ZNF518A: variants seen among roughly 807,000 people sequenced by gnomAD.
ZNF518A encodes the protein zinc finger protein 518A, also known as zinc finger protein 518.
In ZNF518A, 47 loss-of-function variants were observed where a neutral mutation model predicts 102.7. The ratio of observed to expected loss-of-function variants is 0.46; its 90% CI spans 0.36 to 0.58. The LOEUF (loss-of-function observed/expected upper bound fraction) is 0.58. Among genes scored for constraint, ZNF518A ranks in the 20% least tolerant of loss-of-function variants. ZNF518A has a pLI of 0.00. For missense variants in ZNF518A, 1,793 were observed against 1,699.8 expected, an observed-to-expected ratio of 1.05 and a Z score of -0.96; for synonymous variants, 652 against 594.6, an observed-to-expected ratio of 1.10 and a Z score of -1.40.
chr10:96,147,444 TATGTC>T (rs2082223666), intron 3 of ZNF518A, among the ~76,000 whole-genome samples: 1 of 152,242 alleles, frequency 6.6e-6, no homozygotes, highest in African/African-American at 2.4e-5. Context: ...CAATGCATAT[TATGTC>T]ATGTCTTTCT....
In ZNF518A at chr10:96,160,183, A is replaced by G; in HGVS notation, c.3861A>G (p.Glu1287=). The change falls in exon 6 of 6, where the codon GAA becomes GAG. Residue 1287 remains glutamate, a synonymous_variant. Transcript: ENST00000316045. ...GAAAGTGTAGGGATAGTTACCAAGA[A>G]CCTCCAAGAAGAAAAGCAACATTGC... The part of the protein sequence containing the change: ...CKRKCRDSYQ[E]PPRRKATLHR... 1 of 1,609,010 alleles carries G rather than the reference A, an allele frequency of 6.2e-7. No individual in the cohort carries two copies. The highest frequency in any genetic ancestry group is 8.5e-7 in the Non-Finnish European group (1 of 1,177,892).
At chr10:96,173,252 A>G (rs1291307426) in intron 1 of ZNF518A, among the ~76,000 whole-genome samples, 3 of 152,172 alleles carry the variant, frequency 2.0e-5, no homozygotes, top group Non-Finnish European at 4.4e-5. Context: ...GGAAATTGGC[A>G]ACAGGTACAA....
intron 1 of ZNF518A, among the ~76,000 whole-genome samples, chr10:96,183,189 G>A (rs1352474804): frequency 1.3e-5 from 2 of 151,858 alleles, no homozygotes; most frequent in Non-Finnish European, 2.9e-5. Context: ...ATTTTTTATT[G>A]CATCTGTTTG....
rs782372300 is a variant in ZNF518A, at chr10:96,160,700, A to C, written c.4378A>C (p.Asn1460His). ...TTGGTTTTGTGGTAGAGTATTTGAC[A>C]ATCAGGATACTTGGGCTGGTCATGG... ...NCWFCGRVFD[N>H]QDTWAGHGQR... The change falls in exon 6 of 6, where the codon AAT becomes CAT. Residue 1460 changes from asparagine (N) to histidine (H), a missense_variant. Coordinates refer to ENST00000316045, the MANE Select transcript of ZNF518A (RefSeq NM_001330736.2). 7 of 1,612,658 alleles carry C rather than the reference A, an allele frequency of 4.3e-6. No individual in the cohort carries two copies. The South Asian group carries it at 7.7e-5, about 18-fold the overall frequency.
At chr10:96,175,664 A>G (rs55914052) in intron 1 of ZNF518A, among the ~76,000 whole-genome samples, 4,679 of 152,302 alleles carry the variant, frequency 0.031, 242 homozygotes, top group East Asian at 0.17. Flanking sequence ...TCTCATATAC[A>G]GTCAGCCAAC....
chr10:96,167,070 C>T (rs1315639765), downstream of ZNF518A, among the ~76,000 whole-genome samples: 1 of 152,084 alleles, frequency 6.6e-6, no homozygotes, highest in Non-Finnish European at 1.5e-5. Flanking sequence ...TGCAAAGAAA[C>T]AGAAAAGTAT....
At chr10:96,193,771 C>T (rs1384192860) in intron 1 of ZNF518A, among the ~76,000 whole-genome samples, 2 of 152,148 alleles carry the variant, frequency 1.3e-5, no homozygotes, top group East Asian at 3.8e-4. Context: ...GCCAAAATAG[C>T]TGCATAAACA....
intron 1 of ZNF518A, chr10:96,196,795 T>G (rs2133930850): frequency 9.6e-7 from 1 of 1,045,772 alleles, no homozygotes; most frequent in East Asian, 2.5e-5. Flanking sequence ...ATGCAAGCAT[T>G]AGAACAAGTA....
downstream of ZNF518A, among the ~76,000 whole-genome samples, chr10:96,165,273 A>G (rs1039042348): frequency 3.3e-5 from 5 of 152,048 alleles, no homozygotes; most frequent in African/African-American, 7.2e-5. Flanking sequence ...ATACCCAGCT[A>G]ATTTTCATAT....
intron 1 of ZNF518A, chr10:96,189,414 C>T (rs587669331): frequency 3.0e-5 from 18 of 597,824 alleles, no homozygotes; most frequent in East Asian, 2.4e-4. Context: ...GTCAGTTGTC[C>T]GGAAGCAATT....
intron 1 of ZNF518A, among the ~76,000 whole-genome samples, chr10:96,181,995 T>C (rs1554892071): frequency 6.6e-6 from 1 of 152,226 alleles, no homozygotes; most frequent in African/African-American, 2.4e-5. Flanking sequence ...CATTTGTTTG[T>C]GTCCTCTTTT....
In ZNF518A at chr10:96,145,064, T is replaced by TTTGTTGTTGTTGTTGTTGTTG. The variant is rs56087328; in HGVS notation, c.-301-10259_-301-10239dup. Among the ~76,000 whole-genome samples the TTTGTTGTTGTTGTTGTTGTTG allele has an allele frequency of 6.9e-3, 1,035 of 150,756 alleles. 7 individuals carry two copies. Among genetic ancestry groups the TTTGTTGTTGTTGTTGTTGTTG allele is most frequent in the East Asian group, 0.046 (232 of 5,092 alleles). On this transcript the variant is annotated intron_variant, in intron 3 of 5. Transcript: ENST00000316045. ...GTTTTCGTATAAAATACATGTATGTTTTGTTGTTGTTGTTGTTGTTGTTAA... is the reference window on the plus strand; with the variant it reads ...GTTTTCGTATAAAATACATGTATGTTTTGTTGTTGTTGTTGTTGTTGTTGTTGTTGTTGTTGTTGTTGTTAA...
intron 1 of ZNF518A, among the ~76,000 whole-genome samples, chr10:96,194,768 A>ATTTTTTTTTTTTTTTTTTTT (rs71034364): frequency 2.7e-5 from 3 of 110,286 alleles, no homozygotes; most frequent in Non-Finnish European, 5.4e-5. Context: ...AGAAATGCAA[A>ATTTTTTTTTTTTTTTTTTTT]TTTTTTTTTT....
chr10:96,156,042 T>C lies in ZNF518A; in HGVS notation c.-132T>C. The C allele has an allele frequency of 5.4e-6, 1 of 186,780 alleles. No homozygotes were observed. Among genetic ancestry groups the C allele is most frequent in the Non-Finnish European group, 1.1e-5 (1 of 91,724 alleles). 11.6% of individuals were successfully genotyped at this position (186,780 alleles called of 1,614,324 possible). On this transcript the variant is annotated 5_prime_UTR_variant, in exon 5 of 6. Coordinates refer to ENST00000316045, the MANE Select transcript of ZNF518A (RefSeq NM_001330736.2). ...TGTTATTTTTACTTCAAACTATTAC[T>C]TCTTGGTAAGCTGTTCTTAAAATAC...
intron 1 of ZNF518A, among the ~76,000 whole-genome samples, chr10:96,179,587 T>TA (rs2133890931): frequency 6.6e-6 from 1 of 152,290 alleles, no homozygotes; most frequent in African/African-American, 2.4e-5. Flanking sequence ...TATAAACATG[T>TA]ATTTTCTATG....
chr10:96,132,037 A>G (rs1211841769), intron 1 of ZNF518A, among the ~76,000 whole-genome samples: 1 of 150,864 alleles, frequency 6.6e-6, no homozygotes, highest in African/African-American at 2.4e-5. Context: ...TTTAAATGAT[A>G]GGAGACTTGA....
intron 1 of ZNF518A, among the ~76,000 whole-genome samples, chr10:96,179,780 TTTC>T (rs1269967659): frequency 7.5e-5 from 10 of 134,200 alleles, no homozygotes; most frequent in Admixed American, 2.3e-4. Flanking sequence ...TCTTCTTCCT[TTTC>T]TTCTTCCTCC....
At chr10:96,156,117 C>A (rs1344713574) in intron 5 of ZNF518A, 70 bp downstream of exon 5, 2 of 377,858 alleles carry the variant, frequency 5.3e-6, no homozygotes, top group Non-Finnish European at 4.6e-6. Flanking sequence ...AACATTCCTA[C>A]TTTGTGCCAA....
At chr10:96,145,349 C>T (rs2082122382) in intron 3 of ZNF518A, among the ~76,000 whole-genome samples, 1 of 152,200 alleles carries the variant, frequency 6.6e-6, no homozygotes, top group East Asian at 1.9e-4. Context: ...GGATTAAAGG[C>T]GTGAGCCACC....
Sources: allele counts gnomAD v4.1 joint callset (sites outside exome capture counted in the v4.1 genomes callset), GRCh38; gene constraint gnomAD v4.1.1; transcripts MANE v1.5; gene names NCBI Gene and HGNC (gene_info 2026-07-23, HGNC 2026-07-21).